Variants in NEK1 observed in about 807,000 individuals in gnomAD.
NEK1 encodes the protein NIMA related kinase 1, also known as serine/threonine-protein kinase Nek1.
NEK1 carries 137 observed loss-of-function variants against 182.1 expected under a neutral mutation model. The observed-to-expected ratio is 0.75, with a 90% CI of 0.65 to 0.87. The LOEUF is 0.87. Among genes scored for constraint, NEK1 ranks in the 40% least tolerant of loss-of-function variants. The pLI, the probability that NEK1 is intolerant of heterozygous loss-of-function variation, is 0.00. For synonymous variants in NEK1, 513 were observed against 492.2 expected, an observed-to-expected ratio of 1.04 and a Z score of -0.56; for missense variants, 1,391 against 1,494.4, an observed-to-expected ratio of 0.93 and a Z score of 1.14.
rs577955963 is a variant in NEK1, at chr4:169,607,603, C to T, written c.-49+4417G>A. 9.2e-5 allele frequency among the ~76,000 whole-genome samples: 14 copies of T among 152,142 alleles called. No homozygotes were observed. The East Asian group carries it at 2.7e-3, about 29-fold the overall frequency. Reference sequence around the variant, plus strand: ...TCAGCCTCCCAAGTAGCTGGGACTACAGGCGCCTGCCACCACGCCCGGCTA... The same window carrying T: ...TCAGCCTCCCAAGTAGCTGGGACTATAGGCGCCTGCCACCACGCCCGGCTA... On this transcript the variant is annotated intron_variant, in intron 2 of 35. Transcript: ENST00000507142.
intron 23 of NEK1, among the ~76,000 whole-genome samples, chr4:169,504,537 G>C (rs1475375535): frequency 6.6e-6 from 1 of 152,050 alleles, no homozygotes; most frequent in Non-Finnish European, 1.5e-5. Flanking sequence ...ACACAATGGA[G>C]TACTATTCAG....
chr4:169,552,752 A>T (rs1761616981), intron 18 of NEK1, among the ~76,000 whole-genome samples: 1 of 152,166 alleles, frequency 6.6e-6, no homozygotes, highest in Admixed American at 6.5e-5. Context: ...GCAGGATAGA[A>T]GGTTAATAAA....
chr4:169,611,371 G>A (rs192957964), intron 2 of NEK1, among the ~76,000 whole-genome samples: 22 of 152,264 alleles, frequency 1.4e-4, no homozygotes, highest in Admixed American at 1.3e-3. Context: ...CCAGACAAAT[G>A]TAAACTAGAA....
intron 27 of NEK1, among the ~76,000 whole-genome samples, chr4:169,452,023 A>C (rs921680490): frequency 3.3e-5 from 5 of 152,246 alleles, no homozygotes; most frequent in African/African-American, 1.2e-4. Context: ...CAGATAAACT[A>C]GAAAATACAG....
At chr4:169,538,452 G>C (rs1662282748) in intron 18 of NEK1, among the ~76,000 whole-genome samples, 1 of 152,022 alleles carries the variant, frequency 6.6e-6, no homozygotes, top group African/African-American at 2.4e-5. Flanking sequence ...ATTAAAAACA[G>C]TTATTTGTTT....
At chr4:169,432,757 T>C (rs904672797) in intron 29 of NEK1, among the ~76,000 whole-genome samples, 4 of 152,124 alleles carry the variant, frequency 2.6e-5, no homozygotes, top group African/African-American at 7.2e-5. Flanking sequence ...TTTTACTGCA[T>C]ATCATCATAC....
chr4:169,394,500 A>G lies in NEK1; in HGVS notation c.*10T>C. Reference sequence around the variant, plus strand: ...TTCATATAGTTGAGGATTAAAAAACATTTTGAGGATTATTCATCATTATCT... The same window carrying G: ...TTCATATAGTTGAGGATTAAAAAACGTTTTGAGGATTATTCATCATTATCT... On this transcript the variant is annotated 3_prime_UTR_variant, in exon 36 of 36. Transcript: ENST00000507142. The G allele has an allele frequency of 7.1e-7, 1 of 1,407,884 alleles. No individual in the cohort carries two copies. The highest frequency in any genetic ancestry group is 9.8e-7 in the Non-Finnish European group (1 of 1,016,010). The allele number at this position is 1,407,884 out of a possible 1,614,324, so 87.2% of individuals were successfully genotyped here. A position where few individuals can be genotyped will look rare whatever the true frequency, so the allele number is the denominator to read the frequency against.
Position 169,545,647 on chromosome 4 carries a change from A to C in NEK1, c.1563-7736T>G, listed in dbSNP as rs1387288836. ...CCACACTGACTTCCACAATGGTTGA[A>C]CTAGTTTACAGTCCCACCAACAGTG... On this transcript the variant is annotated intron_variant, in intron 18 of 35. Transcript: ENST00000507142. 6.1e-5 allele frequency among the ~76,000 whole-genome samples: 9 copies of C among 148,660 alleles called. No individual in the cohort carries two copies. The South Asian group carries it at 2.0e-3, about 33-fold the overall frequency.
At chr4:169,602,793 G>A in intron 2 of NEK1, 115 bp from the exon 3 acceptor site, 7 of 525,716 alleles carry the variant, frequency 1.3e-5, no homozygotes, top group South Asian at 5.6e-5. Context: ...TTTTAAAAAA[G>A]GATATTTAAT....
At chr4:169,485,978 C>T (rs138090765) in intron 23 of NEK1, among the ~76,000 whole-genome samples, 1 of 151,982 alleles carries the variant, frequency 6.6e-6, no homozygotes, top group Non-Finnish European at 1.5e-5. Flanking sequence ...CCCAGCAGGT[C>T]GAAATTGCAG....
At chr4:169,549,625 G>A (rs531685801) in intron 18 of NEK1, among the ~76,000 whole-genome samples, 4 of 152,224 alleles carry the variant, frequency 2.6e-5, no homozygotes, top group African/African-American at 4.8e-5. Flanking sequence ...GTTTTGCCAC[G>A]TTGGCCAGGC....
chr4:169,417,150 G>A (rs1337794763), intron 31 of NEK1, among the ~76,000 whole-genome samples: 1 of 152,164 alleles, frequency 6.6e-6, no homozygotes, highest in Admixed American at 6.6e-5. Flanking sequence ...ATGAGTCACA[G>A]TTGAAAAGAA....
At chr4:169,611,788 A>T (rs1018664993) in intron 2 of NEK1, among the ~76,000 whole-genome samples, 1 of 152,218 alleles carries the variant, frequency 6.6e-6, no homozygotes, top group African/African-American at 2.4e-5. Flanking sequence ...TAAGATTCCT[A>T]TTATTTTAAT....
intron 8 of NEK1, 36 bp downstream of exon 8, chr4:169,588,613 G>T: frequency 1.5e-6 from 2 of 1,299,750 alleles, no homozygotes; most frequent in East Asian, 2.5e-5. Context: ...AAAATTGAAA[G>T]CAAATACATC....
chr4:169,451,718 T>C (rs1309086602), intron 27 of NEK1, among the ~76,000 whole-genome samples: 2 of 151,968 alleles, frequency 1.3e-5, no homozygotes, highest in South Asian at 4.2e-4. Flanking sequence ...AACATCACAA[T>C]TAAAAGAACT....
chr4:169,585,214 A>G, intron 10 of NEK1, 135 bp downstream of exon 10: 1 of 605,348 alleles, frequency 1.7e-6, no homozygotes, highest in East Asian at 2.8e-5. Context: ...CATGGAAAGG[A>G]AAGTGACACT....
At chr4:169,397,496 T>TA (rs397881279) in intron 35 of NEK1, among the ~76,000 whole-genome samples, 1 of 152,056 alleles carries the variant, frequency 6.6e-6, no homozygotes, top group Non-Finnish European at 1.5e-5. Flanking sequence ...AATTTTTTTT[T>TA]AAGCTACACC....
At position 169,493,660 on chromosome 4, in the gene NEK1, C is replaced by A. The variant is rs114068634; in HGVS notation, c.2007+13377G>T. 6.8e-3 allele frequency among the ~76,000 whole-genome samples: 1,030 copies of A among 152,224 alleles called. 11 individuals are homozygous for A. The highest frequency in any genetic ancestry group is 0.024 in the African/African-American group (996 of 41,542). ...TTCAAAATACAGTTGGAAGCCTTAA[C>A]AACAAACTAGACAAAGCAGAAGAAG... On this transcript the variant is annotated intron_variant, in intron 23 of 35. Transcript: ENST00000507142.
At chr4:169,568,233 T>C (rs1475749073) in intron 12 of NEK1, among the ~76,000 whole-genome samples, 2 of 152,130 alleles carry the variant, frequency 1.3e-5, no homozygotes, top group African/African-American at 2.4e-5. Context: ...TTCCCATCTC[T>C]CTCTACCCCC....
Sources: gnomAD v4.1 joint callset for allele counts (sites outside exome capture counted in the v4.1 genomes callset) on GRCh38, gnomAD v4.1.1 for gene constraint, MANE v1.5 for transcripts, NCBI Gene and HGNC (gene_info 2026-07-23, HGNC 2026-07-21) for gene names.